The following TSNARE1 variants were observed in gnomAD, a reference collection of about 807,000 sequenced individuals.
TSNARE1 encodes the protein t-SNARE domain containing 1.
In TSNARE1, 49 loss-of-function variants were observed where a neutral mutation model predicts 62.0. The observed-to-expected ratio is 0.79, with a 90% confidence interval of 0.63 to 1.00. The LOEUF is 1.00. Ranked by LOEUF, TSNARE1 falls within the 50% of genes least tolerant of loss-of-function variation. The pLI is 0.00. For synonymous variants in TSNARE1, 328 were observed against 294.4 expected, an observed-to-expected ratio of 1.11 and a Z score of -1.17; for missense variants, 755 against 700.1, an observed-to-expected ratio of 1.08 and a Z score of -0.88.
rs1817847501 is a variant in TSNARE1, at chr8:142,245,430, G to A, written c.1447-15851C>T. ...AAACACTCTACGCATCCATTGAGAG[G>A]AGAATGGATATAAATCATGCTAGGG... On this transcript the variant is annotated intron_variant, in intron 12 of 13. Transcript: ENST00000524325. Among the ~76,000 whole-genome samples the A allele has an allele frequency of 3.3e-5, 5 of 152,348 alleles. No individual in the cohort carries two copies. In the South Asian group the frequency reaches 1.0e-3, roughly 32 times the overall value.
intron 12 of TSNARE1, among the ~76,000 whole-genome samples, chr8:142,243,047 G>A (rs561421642): frequency 2.0e-4 from 30 of 150,816 alleles, no homozygotes; most frequent in Admixed American, 1.5e-3. Flanking sequence ...ATGAAGTATC[G>A]CCTCACACCT....
rs1260536785 is a variant in TSNARE1, at chr8:142,282,385, A to G, written c.1363+2028T>C. Among the ~76,000 whole-genome samples the G allele has an allele frequency of 3.9e-5, 6 of 152,234 alleles. No individual in the cohort carries two copies. The East Asian group carries it at 1.2e-3, about 29-fold the overall frequency. On this transcript the variant is annotated intron_variant, in intron 11 of 13. Transcript: ENST00000524325. ...TCTGTCAACGAGCGGAGCAGGGACC[A>G]GCGTCTGTCAATGATCAGGGTGGGG... is the stretch of plus-strand genomic sequence containing the variant.
At position 142,227,685 on chromosome 8, in the gene TSNARE1, G is replaced by A. The variant is rs541373131; in HGVS notation, c.*11+1788C>T. Reference sequence around the variant, plus strand: ...GAACACACAGAAGCCCTGCTGTTGCGGGACGAGCTGACTGGGGAGACCCCA... The same window carrying A: ...GAACACACAGAAGCCCTGCTGTTGCAGGACGAGCTGACTGGGGAGACCCCA... On this transcript the variant is annotated intron_variant, in intron 13 of 13. Transcript: ENST00000524325. Among the ~76,000 whole-genome samples the A allele has an allele frequency of 7.8e-4, 119 of 152,356 alleles. 1 individual carries two copies. Among genetic ancestry groups the A allele is most frequent in the Admixed American group, 4.9e-3 (75 of 15,306 alleles).
intron 2 of TSNARE1, among the ~76,000 whole-genome samples, chr8:142,354,321 T>C (rs1021885292): frequency 1.3e-5 from 2 of 151,992 alleles, no homozygotes; most frequent in African/African-American, 4.8e-5. Context: ...CCAGGTGAGA[T>C]CCTGCATCCC....
chr8:142,222,210 C>CACTCACT (rs1563754727), intron 13 of TSNARE1, among the ~76,000 whole-genome samples: 5 of 22,380 alleles, frequency 2.2e-4, no homozygotes, highest in African/African-American at 7.6e-4. Context: ...ACTCACTCAT[C>CACTCACT]CGCTCATTCA....
At chr8:142,250,119 C>T (rs1051961755) in intron 12 of TSNARE1, among the ~76,000 whole-genome samples, 2 of 152,134 alleles carry the variant, frequency 1.3e-5, no homozygotes, top group African/African-American at 4.8e-5. Context: ...GGCAGCGCAG[C>T]AGTGTGCTGG....
chr8:142,335,139 G>A (rs570579723), intron 4 of TSNARE1, among the ~76,000 whole-genome samples: 10 of 152,214 alleles, frequency 6.6e-5, no homozygotes, highest in African/African-American at 1.7e-4. Context: ...CCACATCAAC[G>A]AGGCAGGGTT....
At chr8:142,281,056 G>T (rs1821364112) in intron 11 of TSNARE1, among the ~76,000 whole-genome samples, 1 of 152,188 alleles carries the variant, frequency 6.6e-6, no homozygotes, top group South Asian at 2.1e-4. Flanking sequence ...GCTGCCTGAG[G>T]GTCTCCGGAC....
chr8:142,277,513 G>A (rs1033063499), intron 11 of TSNARE1: 108 of 985,340 alleles, frequency 1.1e-4, no homozygotes, highest in Non-Finnish European at 1.2e-4. Context: ...GCCGGCTCGG[G>A]GCAACTGGGC....
intron 1 of TSNARE1, among the ~76,000 whole-genome samples, chr8:142,391,294 A>G (rs898008167): frequency 1.4e-5 from 2 of 143,920 alleles, no homozygotes; most frequent in Non-Finnish European, 3.0e-5. Context: ...GGACTCTGTA[A>G]CAGACGCTGT....
chr8:142,308,599 T>TGGGCTGGTGTGTCCAC (rs1174558193), intron 9 of TSNARE1, among the ~76,000 whole-genome samples: 13 of 152,178 alleles, frequency 8.5e-5, no homozygotes, highest in South Asian at 2.1e-4. Context: ...GGTGTGTCCG[T>TGGGCTGGTGTGTCCAC]GGGCTGGTGT....
At chr8:142,272,789 T>A in intron 12 of TSNARE1, 1 of 971,526 alleles carries the variant, frequency 1.0e-6, no homozygotes, top group Middle Eastern at 5.3e-4. Flanking sequence ...AGACACCTGG[T>A]CCCTCCTGAC....
intron 9 of TSNARE1, among the ~76,000 whole-genome samples, chr8:142,312,151 A>T (rs965788380): frequency 6.6e-6 from 1 of 152,236 alleles, no homozygotes; most frequent in Non-Finnish European, 1.5e-5. Flanking sequence ...TGTTCCAATG[A>T]GCATTTCCTT....
chr8:142,281,034 A>G (rs543572068), intron 11 of TSNARE1, among the ~76,000 whole-genome samples: 20 of 152,270 alleles, frequency 1.3e-4, no homozygotes, highest in Non-Finnish European at 2.2e-4. Context: ...AGTACCCGGG[A>G]AGAGGACGCC....
chr8:142,346,240 A>G (rs1833355206), intron 2 of TSNARE1, among the ~76,000 whole-genome samples: 1 of 152,244 alleles, frequency 6.6e-6, no homozygotes, highest in Non-Finnish European at 1.5e-5. Flanking sequence ...GTGCGGCTCC[A>G]GCATCGTTTA....
intron 12 of TSNARE1, among the ~76,000 whole-genome samples, chr8:142,257,637 C>G (rs1293798920): frequency 6.6e-6 from 1 of 152,136 alleles, no homozygotes; most frequent in South Asian, 2.1e-4. Flanking sequence ...GTGCTTCAAG[C>G]TGGCCTCCCA....
chr8:142,291,961 G>GC lies in TSNARE1; in HGVS notation c.1291-7477dup, dbSNP rs534318902. Reference sequence around the variant, plus strand: ...CCCGTGGACGGTCACAGCAACGCACGCCCCCCCCGGCCCCCCACCTGTTTC... The same window carrying GC: ...CCCGTGGACGGTCACAGCAACGCACGCCCCCCCCCGGCCCCCCACCTGTTTC... On this transcript the variant is annotated intron_variant, in intron 10 of 13. Transcript: ENST00000524325. The surrounding 1 kb of genome is among the most constrained non-coding windows in gnomAD (Gnocchi z 4.8). 4.1e-3 allele frequency among the ~76,000 whole-genome samples: 617 copies of GC among 151,098 alleles called. 5 individuals carry two copies. Among genetic ancestry groups the GC allele is most frequent in the African/African-American group, 0.013 (538 of 41,096 alleles).
intron 1 of TSNARE1, among the ~76,000 whole-genome samples, chr8:142,359,334 C>A (rs918780731): frequency 2.6e-5 from 4 of 152,152 alleles, no homozygotes; most frequent in Non-Finnish European, 5.9e-5. Flanking sequence ...CCGCTGGAGC[C>A]GTCCTCACCC....
chr8:142,294,107 G>A (rs1189019230), intron 10 of TSNARE1, among the ~76,000 whole-genome samples: 2 of 152,118 alleles, frequency 1.3e-5, no homozygotes, highest in East Asian at 3.9e-4. Flanking sequence ...ACTGCTTCAG[G>A]GTCTGCAGAG....
Sources: allele counts gnomAD v4.1 joint callset (sites outside exome capture counted in the v4.1 genomes callset), GRCh38; gene constraint gnomAD v4.1.1; non-coding constraint Gnocchi (gnomAD v3.1); transcripts MANE v1.5; gene names NCBI Gene and HGNC (gene_info 2026-07-23, HGNC 2026-07-21).